The following TPI1 variants were observed in gnomAD, a reference collection of about 807,000 sequenced individuals.
TPI1 encodes triosephosphate isomerase.
TPI1 carries 11 observed loss-of-function variants against 31.0 expected under a neutral mutation model. The observed-to-expected ratio is 0.36, with a 90% confidence interval of 0.22 to 0.59. TPI1 has a LOEUF of 0.59. Among genes scored for constraint, TPI1 ranks in the 20% least tolerant of loss-of-function variants. The pLI, the probability that TPI1 is intolerant of heterozygous loss-of-function variation, is 0.79. For missense variants in TPI1, 245 were observed against 319.7 expected (o/e 0.77, Z 1.78); for synonymous variants, 121 against 122.8 (o/e 0.99, Z 0.10).
intron 4 of TPI1, 53 bp from the exon 5 acceptor site, chr12:6,869,635 T>G: frequency 6.2e-7 from 1 of 1,602,758 alleles, no homozygotes; most frequent in Non-Finnish European, 8.5e-7. Flanking sequence ...AGAACCTGGC[T>G]GGAGAGCTCT....
chr12:6,868,381 G>A, intron 1 of TPI1: 1 of 1,288,100 alleles, frequency 7.8e-7, no homozygotes, highest in Non-Finnish European at 1.0e-6. Context: ...TCCCTCCACC[G>A]AAATCGGAGA....
intron 3 of TPI1, 28 bp downstream of exon 3, chr12:6,869,211 A>T: frequency 1.9e-6 from 3 of 1,614,138 alleles, no homozygotes; most frequent in East Asian, 2.2e-5. Flanking sequence ...AAGATAAGGG[A>T]TGTCTTTTTC....
chr12:6,870,261 C>T lies in TPI1; in HGVS notation c.632-4C>T. The T allele has an allele frequency of 6.2e-7, 1 of 1,604,150 alleles. No individual in the cohort carries two copies. The highest frequency in any genetic ancestry group is 8.5e-7 in the Non-Finnish European group (1 of 1,170,460). On this transcript the variant is annotated splice_region_variant and splice_polypyrimidine_tract_variant and intron_variant, in intron 6 of 6. Coordinates refer to ENST00000396705, the MANE Select transcript of TPI1 (RefSeq NM_000365.6). ...ACCAAGCCCTTGTTCTGCTCCCTTC[C>T]CAGGCTCTGTGACTGGGGCAACCTG... is the stretch of plus-strand genomic sequence containing the variant.
upstream of TPI1, chr12:6,867,485 C>T: frequency 3.9e-6 from 6 of 1,540,944 alleles, no homozygotes; most frequent in Non-Finnish European, 4.4e-6. Flanking sequence ...AGGCGGAGTT[C>T]CACTTCGCGG....
chr12:6,867,913 G>T (rs1015594578), intron 1 of TPI1, among the ~76,000 whole-genome samples: 1 of 152,210 alleles, frequency 6.6e-6, no homozygotes, highest in Non-Finnish European at 1.5e-5. Flanking sequence ...TATGGGGCAG[G>T]TAAGGACGTT....
At position 6,869,334 on chromosome 12, in the gene TPI1, A is replaced by G; in HGVS notation, c.401A>G (p.Glu134Gly). The change falls in exon 4 of 7, where the codon GAA becomes GGA. Residue 134 changes from glutamate to glycine, a missense_variant. Physicochemically the swap from Glu to Gly is moderately conservative, Grantham distance 98 (BLOSUM62 -2). Coordinates refer to ENST00000396705, the MANE Select transcript of TPI1 (RefSeq NM_000365.6). ...GCCTGCATTGGGGAGAAGCTAGATG[A>G]AAGGGAAGCTGGCATCACTGAGAAG... is the stretch of plus-strand genomic sequence containing the variant. ...VIACIGEKLD[E>G]REAGITEKVV... 1 of 1,614,104 alleles carries G rather than the reference A, an allele frequency of 6.2e-7. No individual in the cohort carries two copies. The highest frequency in any genetic ancestry group is 2.2e-5 in the East Asian group (1 of 44,890).
At chr12:6,868,781 G>A in intron 1 of TPI1, 83 bp from the exon 2 acceptor site, 1 of 1,543,688 alleles carries the variant, frequency 6.5e-7, no homozygotes, top group Non-Finnish European at 8.7e-7. Flanking sequence ...GAGGGCTGGG[G>A]GGCTCCAGGG....
chr12:6,868,286 C>T (rs1555131859), intron 1 of TPI1: 1 of 1,287,606 alleles, frequency 7.8e-7, no homozygotes, highest in Non-Finnish European at 1.0e-6. Flanking sequence ...TTTCCCCAAC[C>T]TGGAAACAGC....
intron 1 of TPI1, chr12:6,868,293 C>T: frequency 7.8e-7 from 1 of 1,287,650 alleles, no homozygotes. Context: ...AACCTGGAAA[C>T]AGCAAAGCGC....
chr12:6,868,166 G>T (rs1236052236), intron 1 of TPI1: 11 of 1,281,306 alleles, frequency 8.6e-6, no homozygotes, highest in African/African-American at 3.1e-5. Flanking sequence ...CTGAGCCCCA[G>T]ATCTGACCCC....
intron 1 of TPI1, 33 bp downstream of exon 1, chr12:6,867,714 C>T (rs983161136): frequency 1.3e-6 from 2 of 1,520,174 alleles, no homozygotes; most frequent in Middle Eastern, 1.8e-4. Flanking sequence ...TCTGGCCGGG[C>T]CGGGGCCGGG....
In TPI1 at chr12:6,868,995, C is replaced by T. The variant is rs782359362; in HGVS notation, c.239+8C>T. On this transcript the variant is annotated splice_region_variant and intron_variant, in intron 2 of 6. Transcript: ENST00000396705. Reference sequence around the variant, plus strand: ...TTTTACTGGGGAGATCAGGTGAGATCGAGGTGGAGAGGGGTGTGTGGGACC... The same window carrying T: ...TTTTACTGGGGAGATCAGGTGAGATTGAGGTGGAGAGGGGTGTGTGGGACC... 3.7e-6 allele frequency: 6 copies of T among 1,613,798 alleles called. No homozygotes were observed. The highest frequency in any genetic ancestry group is 1.6e-4 in the Middle Eastern group (1 of 6,084).
intron 5 of TPI1, 63 bp from the exon 6 acceptor site, chr12:6,869,986 G>C: frequency 6.4e-7 from 1 of 1,563,574 alleles, no homozygotes. Context: ...GTCCACTGGT[G>C]CCAGTGATTT....
chr12:6,867,549 C>A lies in TPI1; in HGVS notation c.-18C>A, dbSNP rs782181569. On this transcript the variant is annotated 5_prime_UTR_variant, in exon 1 of 7. Transcript: ENST00000396705. ...ACTGCGCGCAGACACTGACCTTCAG[C>A]GCCTCGGCTCCAGCGCCATGGCGCC... 9.9e-6 allele frequency: 16 copies of A among 1,610,272 alleles called. No individual in the cohort carries two copies. Among genetic ancestry groups the A allele is most frequent in the Non-Finnish European group, 1.4e-5 (16 of 1,178,732 alleles).
chr12:6,868,804 AT>A, intron 1 of TPI1, 59 bp from the exon 2 acceptor site: 1 of 1,575,130 alleles, frequency 6.3e-7, no homozygotes, highest in South Asian at 1.2e-5. Context: ...CTGGTTAGGA[AT>A]TGTGGGGAAT....
upstream of TPI1, chr12:6,867,487 A>G (rs1555131376): frequency 1.9e-6 from 3 of 1,545,060 alleles, no homozygotes; most frequent in South Asian, 2.4e-5. Context: ...GCGGAGTTCC[A>G]CTTCGCGGCG....
In TPI1 at chr12:6,870,573, C is replaced by T. The variant is rs781909549; in HGVS notation, c.*190C>T. On this transcript the variant is annotated 3_prime_UTR_variant, in exon 7 of 7. Transcript: ENST00000396705. ...ATGGTTGGGACCAGGCCAATCCCTT[C>T]TCCACTTACTATAATGGTTGGAACT... The T allele has an allele frequency of 1.1e-5, 8 of 756,424 alleles. No individual in the cohort carries two copies. Among genetic ancestry groups the T allele is most frequent in the Non-Finnish European group, 2.0e-5 (8 of 408,408 alleles). The allele number at this position is 756,424 out of a possible 1,614,324, so 46.9% of individuals were successfully genotyped here. A position where few individuals can be genotyped will look rare whatever the true frequency, so the allele number is the denominator to read the frequency against.
chr12:6,869,491 G>C (rs1944535795), intron 4 of TPI1, 101 bp downstream of exon 4: 1 of 1,582,628 alleles, frequency 6.3e-7, no homozygotes, highest in Non-Finnish European at 8.6e-7. Context: ...TGCTGATCCA[G>C]AAAAGGAAAA....
chr12:6,868,691 AC>A, intron 1 of TPI1, 172 bp from the exon 2 acceptor site: 1 of 1,359,308 alleles, frequency 7.4e-7, no homozygotes, highest in Non-Finnish European at 1.0e-6. Context: ...TTGAGTGCAG[AC>A]CCAGCCTGGG....
Sources: allele counts gnomAD v4.1 joint callset (sites outside exome capture counted in the v4.1 genomes callset), GRCh38; gene constraint gnomAD v4.1.1; transcripts MANE v1.5; gene names NCBI Gene and HGNC (gene_info 2026-07-23, HGNC 2026-07-21).